Variants in SYT12 observed in about 807,000 individuals in gnomAD.
SYT12 encodes the protein synaptotagmin 12.
Under a neutral mutation model 39.5 loss-of-function variants are expected in SYT12, and 27 were observed. The ratio of observed to expected loss-of-function variants is 0.68; its 90% confidence interval spans 0.50 to 0.94. The LOEUF is 0.94. Among genes scored for constraint, SYT12 ranks in the 40% least tolerant of loss-of-function variants. SYT12 has a pLI of 0.00. For synonymous variants in SYT12, 233 were observed against 239.7 expected, an observed-to-expected ratio of 0.97 and a Z score of 0.26; for missense variants, 536 against 572.6, an observed-to-expected ratio of 0.94 and a Z score of 0.65.
chr11:67,043,639 T>A lies in SYT12; in HGVS notation c.623T>A (p.Ile208Asn). Residue 208 changes from isoleucine (I) to asparagine (N), a missense_variant and splice_region_variant, in exon 5 of 8, where the codon ATC becomes AAC. Physicochemically the swap from Ile to Asn is moderately radical, Grantham distance 149 (BLOSUM62 -3). Coordinates refer to ENST00000527043, the MANE Select transcript of SYT12 (RefSeq NM_177963.4). ...PDEQIVGISR[I>N]QRNAYSIFFD... ...CCTCCATGGCCTTTTCTCCTGCAGA[T>A]CCAGAGAAATGCCTACTCCATCTTC... 6.2e-7 allele frequency: 1 copy of A among 1,614,058 alleles called. No individual in the cohort carries two copies. The highest frequency in any genetic ancestry group is 8.5e-7 in the Non-Finnish European group (1 of 1,180,032).
At chr11:67,039,740 T>A (rs1950462433) in intron 3 of SYT12, 71 bp from the exon 4 acceptor site, 5 of 1,521,744 alleles carry the variant, frequency 3.3e-6, no homozygotes, top group Non-Finnish European at 4.4e-6. Context: ...CTTACTCATC[T>A]CTTTGCCGTC....
chr11:67,048,680 G>A lies in SYT12; in HGVS notation c.1189G>A (p.Gly397Arg). The change falls in exon 8 of 8, where the codon GGA becomes AGA. Residue 397 changes from glycine (G) to arginine (R), a missense_variant. Gly to Arg is a moderately radical substitution (Grantham distance 125). Transcript: ENST00000527043. Reference sequence around the variant, plus strand: ...CATTGGGCCGTCAGCCAGTGGCATGGGAACCACACATTGGAACCAGATGTT... The same window carrying A: ...CATTGGGCCGTCAGCCAGTGGCATGAGAACCACACATTGGAACCAGATGTT... ...VIIGPSASGM[G>R]TTHWNQMLAT... is the part of the protein sequence containing the mutation. The A allele has an allele frequency of 6.2e-7, 1 of 1,612,788 alleles. No individual in the cohort carries two copies. The highest frequency in any genetic ancestry group is 8.5e-7 in the Non-Finnish European group (1 of 1,179,068).
At chr11:67,026,262 T>A (rs1950179458) in intron 1 of SYT12, among the ~76,000 whole-genome samples, 1 of 152,024 alleles carries the variant, frequency 6.6e-6, no homozygotes, top group African/African-American at 2.4e-5. Context: ...CTTCTAACTT[T>A]CTTTTTTTCT....
chr11:67,034,794 C>T lies in SYT12; in HGVS notation c.184C>T (p.Leu62Phe), dbSNP rs1950328411. The T allele has an allele frequency of 1.3e-6, 2 of 1,591,226 alleles. No individual in the cohort carries two copies. The change falls in exon 3 of 8, where the codon CTT (leucine) becomes TTT (phenylalanine). Residue 62 changes from leucine (L) to phenylalanine (F), a missense_variant. Coordinates refer to ENST00000527043, the MANE Select transcript of SYT12 (RefSeq NM_177963.4). ...GTTCCCCAATTACGACTACAGGTAC[C>T]TTCAGCAGAAGTACGGCGAGAGCTG... is the stretch of plus-strand genomic sequence containing the variant. The part of the protein sequence containing the change: ...SPFPNYDYRY[L>F]QQKYGESCAE...
chr11:67,035,397 G>A (rs1421670212), intron 3 of SYT12, among the ~76,000 whole-genome samples: 1 of 147,926 alleles, frequency 6.8e-6, no homozygotes, highest in Non-Finnish European at 1.5e-5. Flanking sequence ...AATGCCCAGA[G>A]TAACCTGATA....
rs773430427 is a variant in SYT12, at chr11:67,030,114, C to T, written c.-23-8C>T. 2 of 1,613,284 alleles carry T rather than the reference C, an allele frequency of 1.2e-6. No homozygotes were observed. Among genetic ancestry groups the T allele is most frequent in the Admixed American group, 3.3e-5 (2 of 59,958 alleles). ...AGCCCTCTCCTCTCACTCTCTTTTCCCTTCCAGTCACAGTCACTGCAGCAG... is the reference window on the plus strand; with the variant it reads ...AGCCCTCTCCTCTCACTCTCTTTTCTCTTCCAGTCACAGTCACTGCAGCAG... On this transcript the variant is annotated splice_region_variant and splice_polypyrimidine_tract_variant and intron_variant, in intron 1 of 7. Transcript: ENST00000527043.
intron 4 of SYT12, among the ~76,000 whole-genome samples, chr11:67,040,741 G>A (rs535467216): frequency 3.9e-5 from 6 of 152,274 alleles, no homozygotes; most frequent in Admixed American, 2.6e-4. Flanking sequence ...GGGAGGCTGA[G>A]GCAGGAGAAT....
chr11:67,016,694 A>G (rs1950062022), intron 3 of SYT12, among the ~76,000 whole-genome samples: 1 of 152,192 alleles, frequency 6.6e-6, no homozygotes, highest in South Asian at 2.1e-4. Flanking sequence ...TGCAAGACCC[A>G]GCTCTGGAAC....
chr11:67,015,163 T>G (rs1834841828), intron 3 of SYT12, among the ~76,000 whole-genome samples: 1 of 152,114 alleles, frequency 6.6e-6, no homozygotes, highest in African/African-American at 2.4e-5. Context: ...GGCTCCTTCT[T>G]AAGCTTCCCC....
At position 67,045,814 on chromosome 11, in the gene SYT12, G is replaced by A. The variant is rs374590105; in HGVS notation, c.1029G>A (p.Arg343=). 6.2e-7 allele frequency: 1 copy of A among 1,613,748 alleles called. No individual in the cohort carries two copies. The highest frequency in any genetic ancestry group is 8.5e-7 in the Non-Finnish European group (1 of 1,179,946). ...GCAAAAAGAAGACAGCCGTGAAGAGGGATGACCCCAACCCGGTGTTCAACG... is the reference window on the plus strand; with the variant it reads ...GCAAAAAGAAGACAGCCGTGAAGAGAGATGACCCCAACCCGGTGTTCAACG... The part of the protein sequence containing the change: ...KMSKKKTAVK[R]DDPNPVFNEA... The change falls in exon 7 of 8, where the codon AGG becomes AGA. Residue 343 remains arginine, a synonymous_variant. Transcript: ENST00000527043.
At chr11:67,011,196 C>G (rs888576124) in intron 3 of SYT12, among the ~76,000 whole-genome samples, 2 of 152,082 alleles carry the variant, frequency 1.3e-5, no homozygotes, top group Non-Finnish European at 2.9e-5. Flanking sequence ...CCATCTCTAA[C>G]AAAATGAAAT....
upstream of SYT12, among the ~76,000 whole-genome samples, chr11:67,019,753 C>T (rs534218193): frequency 6.6e-6 from 1 of 152,044 alleles, no homozygotes; most frequent in East Asian, 1.9e-4. Flanking sequence ...AAAAAATTAG[C>T]CATGCGTGGT....
intron 3 of SYT12, among the ~76,000 whole-genome samples, chr11:67,035,490 C>T (rs1950342926): frequency 1.5e-5 from 2 of 131,310 alleles, no homozygotes; most frequent in South Asian, 2.4e-4. Context: ...CGGAGTCTCG[C>T]TCTGTTGCCC....
At chr11:67,024,234 A>C (rs1398674128) in intron 1 of SYT12, among the ~76,000 whole-genome samples, 2 of 152,206 alleles carry the variant, frequency 1.3e-5, no homozygotes, top group African/African-American at 4.8e-5. Flanking sequence ...ATGGAATGTC[A>C]GCTCCTTCTC....
chr11:67,021,880 G>A (rs1327766397), upstream of SYT12: 1 of 151,760 alleles, frequency 6.6e-6, no homozygotes, highest in Non-Finnish European at 1.5e-5. Flanking sequence ...TCCAGGAAAT[G>A]AAATGAAGAC....
chr11:67,029,987 T>C, intron 1 of SYT12, 135 bp from the exon 2 acceptor site: 1 of 665,420 alleles, frequency 1.5e-6, no homozygotes, highest in African/African-American at 1.8e-5. Flanking sequence ...ATGCCAAGCC[T>C]CCCTTTGGTG....
chr11:67,046,477 T>G (rs1410933820), intron 7 of SYT12, among the ~76,000 whole-genome samples: 1 of 152,214 alleles, frequency 6.6e-6, no homozygotes, highest in Admixed American at 6.5e-5. Context: ...AAGTCCTTTG[T>G]GCCTTGAGCC....
At chr11:67,036,865 T>G (rs1950391367) in intron 3 of SYT12, among the ~76,000 whole-genome samples, 1 of 152,008 alleles carries the variant, frequency 6.6e-6, no homozygotes, top group African/African-American at 2.4e-5. Context: ...CCTGAGGTCG[T>G]GAGTTTGAGA....
chr11:67,045,965 C>A, intron 7 of SYT12, 88 bp downstream of exon 7: 1 of 1,549,356 alleles, frequency 6.5e-7, no homozygotes, highest in South Asian at 1.2e-5. Context: ...CTCAGGGCCC[C>A]TGCAGGGGTA....
Sources: allele counts gnomAD v4.1 joint callset (sites outside exome capture counted in the v4.1 genomes callset), GRCh38; gene constraint gnomAD v4.1.1; transcripts MANE v1.5; gene names NCBI Gene and HGNC (gene_info 2026-07-23, HGNC 2026-07-21).